DPYSL5: variants seen among roughly 807,000 people sequenced by gnomAD.
DPYSL5 encodes dihydropyrimidinase-related protein 5.
A neutral mutation model predicts 58.4 loss-of-function variants in DPYSL5; 9 were observed. The ratio of observed to expected loss-of-function variants is 0.15; its 90% CI spans 0.09 to 0.27. The LOEUF is 0.27. Ranked by LOEUF, DPYSL5 falls within the 10% of genes least tolerant of loss-of-function variation. The pLI, the probability that DPYSL5 is intolerant of heterozygous loss-of-function variation, is 1.00. For synonymous variants in DPYSL5, 293 were observed against 301.9 expected (o/e 0.97, Z 0.31); for missense variants, 499 against 770.6 (o/e 0.65, Z 4.17).
intron 1 of DPYSL5, among the ~76,000 whole-genome samples, chr2:26,865,428 C>T (rs1666117220): frequency 1.3e-5 from 2 of 149,688 alleles, no homozygotes; most frequent in Admixed American, 1.3e-4. Context: ...TCAAGCAATT[C>T]TCCTGCCTCA....
intron 8 of DPYSL5, among the ~76,000 whole-genome samples, chr2:26,935,118 C>T (rs549741132): frequency 1.3e-5 from 2 of 152,124 alleles, no homozygotes; most frequent in South Asian, 4.1e-4. Flanking sequence ...TGTTGGCTCC[C>T]GTGTGCCCCT....
At position 26,927,522 on chromosome 2, in the gene DPYSL5, A is replaced by G; in HGVS notation, c.600+90A>G. 1 of 1,482,750 alleles carries G rather than the reference A, an allele frequency of 6.7e-7. No homozygotes were observed. Among genetic ancestry groups the G allele is most frequent in the Admixed American group, 2.0e-5 (1 of 51,212 alleles). 91.8% of individuals were successfully genotyped at this position (1,482,750 alleles called of 1,614,324 possible). On this transcript the variant is annotated intron_variant, in intron 4 of 12. Coordinates refer to ENST00000288699, the MANE Select transcript of DPYSL5 (RefSeq NM_020134.4). This position sits in a 1 kb window ranked among gnomAD's most constrained non-coding sequence, Gnocchi z 4.3. ...TTCCTGACCACCCGTCACTGATCCC[A>G]CAGGATTCAGACAAAATCAGTTGTT...
intron 2 of DPYSL5, among the ~76,000 whole-genome samples, chr2:26,918,419 G>A (rs886175334): frequency 2.0e-5 from 3 of 152,122 alleles, no homozygotes; most frequent in Non-Finnish European, 2.9e-5. Context: ...CCAACAGAAC[G>A]CTGAAGGTGA....
rs71401540 is a variant in DPYSL5 at position 26,918,135 on chromosome 2, C to CA, written c.262-6725dup. 1.7e-3 allele frequency among the ~76,000 whole-genome samples: 93 copies of CA among 54,068 alleles called. 9 individuals are homozygous for CA. The highest frequency in any genetic ancestry group is 6.4e-3 in the African/African-American group (82 of 12,770). 35.5% of individuals were successfully genotyped at this position (54,068 alleles called of 152,430 possible). On this transcript the variant is annotated intron_variant, in intron 2 of 12. Transcript: ENST00000288699. Reference sequence around the variant, plus strand: ...TGGGTGACAGAGCAAGAGTCTGTCTCAAAAAAAAAAAAAAAAAAAAAAAAA... The same window carrying CA: ...TGGGTGACAGAGCAAGAGTCTGTCTCAAAAAAAAAAAAAAAAAAAAAAAAAA...
At chr2:26,866,824 C>T (rs1275317930) in intron 1 of DPYSL5, among the ~76,000 whole-genome samples, 2 of 151,384 alleles carry the variant, frequency 1.3e-5, no homozygotes, top group Non-Finnish European at 2.9e-5. Flanking sequence ...CTCCGTCTCC[C>T]GGGTTCAAGT....
chr2:26,888,209 TTTTCTTTCTTTCTTTC>T (rs70953832), intron 1 of DPYSL5, among the ~76,000 whole-genome samples: 390 of 105,104 alleles, frequency 3.7e-3, no homozygotes, highest in African/African-American at 5.9e-3. Flanking sequence ...CTTCCCTTTC[TTTTCTTTCTTTCTTTC>T]TTTCTTTCTT....
chr2:26,857,563 C>T (rs531935011), intron 1 of DPYSL5, among the ~76,000 whole-genome samples: 16 of 151,724 alleles, frequency 1.1e-4, no homozygotes, highest in African/African-American at 3.6e-4. Flanking sequence ...AAAAAAAATC[C>T]CACAAAAGTG....
In DPYSL5 at chr2:26,939,654, T is replaced by C. The variant is rs115917351; in HGVS notation, c.948-377T>C. 5.0e-4 allele frequency: 91 copies of C among 182,630 alleles called. 1 individual carries two copies. The highest frequency in any genetic ancestry group is 2.0e-3 in the African/African-American group (85 of 42,582). The allele number at this position is 182,630 out of a possible 1,614,324, so 11.3% of individuals were successfully genotyped here. ...CTTGTGAATGCTTGTTGCCAGCAGG[T>C]TGGGGTTGGAGAGCTGATGAGAGGG... On this transcript the variant is annotated intron_variant, in intron 8 of 12. Transcript: ENST00000288699.
At chr2:26,918,317 C>G (rs1262467242) in intron 2 of DPYSL5, among the ~76,000 whole-genome samples, 1 of 152,138 alleles carries the variant, frequency 6.6e-6, no homozygotes, top group Non-Finnish European at 1.5e-5. Context: ...ACATGCATCA[C>G]CTCACTTGAT....
intron 12 of DPYSL5, among the ~76,000 whole-genome samples, chr2:26,945,198 C>T (rs148485542): frequency 1.8e-3 from 272 of 152,128 alleles, no homozygotes; most frequent in African/African-American, 6.3e-3. Context: ...ACCAGCCCTT[C>T]GCCCACCCCA....
intron 1 of DPYSL5, among the ~76,000 whole-genome samples, chr2:26,860,893 T>A (rs1240891972): frequency 6.6e-6 from 1 of 152,226 alleles, no homozygotes; most frequent in Non-Finnish European, 1.5e-5. Context: ...ATGATGTTGC[T>A]TGTCTCTGGA....
intron 2 of DPYSL5, among the ~76,000 whole-genome samples, chr2:26,922,962 T>C (rs1387667157): frequency 6.6e-5 from 10 of 152,184 alleles, no homozygotes; most frequent in Non-Finnish European, 1.3e-4. Context: ...CTGGGAACAT[T>C]CTCGCTGGCC....
intron 1 of DPYSL5, among the ~76,000 whole-genome samples, chr2:26,892,500 A>C (rs1019257085): frequency 6.6e-6 from 1 of 152,140 alleles, no homozygotes; most frequent in South Asian, 2.1e-4. Context: ...TTTTTCCAGC[A>C]TAAGTATTCC....
In DPYSL5 at chr2:26,932,129, G is replaced by GA. The variant is rs1558351344; in HGVS notation, c.714+448dup. On this transcript the variant is annotated intron_variant, in intron 6 of 12. Transcript: ENST00000288699. ...AAAGAAAAGAAAAAAGAAAGAGAAA[G>GA]AAAGAAAGAGAAAGAAAGAAAGAAA... 1.4e-4 allele frequency among the ~76,000 whole-genome samples: 17 copies of GA among 119,820 alleles called. 1 individual carries two copies. Among genetic ancestry groups the GA allele is most frequent in the African/African-American group, 6.1e-4 (17 of 27,806 alleles). The allele number at this position is 119,820 out of a possible 152,430, so 78.6% of individuals were successfully genotyped here.
intron 1 of DPYSL5, among the ~76,000 whole-genome samples, chr2:26,865,355 C>G (rs1666115631): frequency 8.3e-6 from 1 of 120,148 alleles, no homozygotes; most frequent in Admixed American, 1.1e-4. Flanking sequence ...AAGTCTTGCT[C>G]TGTCACCCAG....
intron 1 of DPYSL5, among the ~76,000 whole-genome samples, chr2:26,887,698 A>C (rs1325594288): frequency 6.8e-6 from 1 of 147,978 alleles, no homozygotes; most frequent in Non-Finnish European, 1.5e-5. Flanking sequence ...TTCCCACAAG[A>C]CAGTGGTTGG....
At chr2:26,912,501 T>G (rs1370538282) in intron 2 of DPYSL5, among the ~76,000 whole-genome samples, 1 of 152,164 alleles carries the variant, frequency 6.6e-6, no homozygotes, top group Non-Finnish European at 1.5e-5. Context: ...CCTGTAAACG[T>G]CCCTTTTTGG....
chr2:26,899,407 T>A (rs1006928090), intron 2 of DPYSL5, among the ~76,000 whole-genome samples: 2 of 152,142 alleles, frequency 1.3e-5, no homozygotes, highest in Non-Finnish European at 2.9e-5. Flanking sequence ...TGAATGGGCT[T>A]TTTTACCCTT....
chr2:26,936,270 G>A (rs116362856), intron 8 of DPYSL5, among the ~76,000 whole-genome samples: 1 of 152,232 alleles, frequency 6.6e-6, no homozygotes, highest in Non-Finnish European at 1.5e-5. Flanking sequence ...TGCAGGAGCA[G>A]TGGAGGGAAG....
Sources: allele counts gnomAD v4.1 joint callset (sites outside exome capture counted in the v4.1 genomes callset), GRCh38; gene constraint gnomAD v4.1.1; non-coding constraint Gnocchi (gnomAD v3.1); transcripts MANE v1.5; gene names NCBI Gene and HGNC (gene_info 2026-07-23, HGNC 2026-07-21).